Variants in PALM2AKAP2 observed in about 807,000 individuals in gnomAD.
PALM2AKAP2 encodes PALM2-AKAP2 fusion protein.
PALM2AKAP2 carries 37 observed loss-of-function variants against 71.5 expected under a neutral mutation model. The observed-to-expected ratio is 0.52, with a 90% confidence interval of 0.40 to 0.68. The LOEUF is 0.68. Among genes scored for constraint, PALM2AKAP2 ranks in the 30% least tolerant of loss-of-function variants. PALM2AKAP2 has a pLI of 0.00. For missense variants in PALM2AKAP2, 1,224 were observed against 1,191.8 expected, an observed-to-expected ratio of 1.03 and a Z score of -0.40; for synonymous variants, 468 against 478.8, an observed-to-expected ratio of 0.98 and a Z score of 0.29.
chr9:109,893,310 G>A (rs1205461776), intron 3 of PALM2AKAP2, among the ~76,000 whole-genome samples: 1 of 152,208 alleles, frequency 6.6e-6, no homozygotes, highest in African/African-American at 2.4e-5. Context: ...TGAAGTAGAG[G>A]ATGAAAAAGA....
At chr9:109,779,139 G>A (rs1007635366), upstream of PALM2AKAP2, among the ~76,000 whole-genome samples, 6 of 152,140 alleles carry the variant, frequency 3.9e-5, no homozygotes, top group African/African-American at 1.4e-4. Context: ...TTATTTCAGT[G>A]TTTATTTCAT....
chr9:110,135,174 T>TAG (rs1835829343), intron 1 of PALM2AKAP2, among the ~76,000 whole-genome samples: 1 of 76,146 alleles, frequency 1.3e-5, no homozygotes, highest in East Asian at 3.2e-4. Context: ...AATATATAAA[T>TAG]ATATATATAT....
chr9:109,876,628 C>T (rs762008356), intron 2 of PALM2AKAP2, among the ~76,000 whole-genome samples: 2 of 152,014 alleles, frequency 1.3e-5, no homozygotes, highest in South Asian at 2.1e-4. Flanking sequence ...TACAGGTGCT[C>T]GCCACCACAC....
intron 6 of PALM2AKAP2, among the ~76,000 whole-genome samples, chr9:109,997,016 C>T (rs1473278902): frequency 6.6e-6 from 1 of 152,016 alleles, no homozygotes; most frequent in African/African-American, 2.4e-5. Context: ...TGGTGAGACC[C>T]CATCTCTACT....
At chr9:110,141,447 C>T (rs771519925) in intron 2 of PALM2AKAP2, among the ~76,000 whole-genome samples, 7 of 152,214 alleles carry the variant, frequency 4.6e-5, no homozygotes, top group Non-Finnish European at 8.8e-5. Context: ...ACCCGGGCTT[C>T]CCAGAATTAC....
intron 2 of PALM2AKAP2, among the ~76,000 whole-genome samples, chr9:110,144,590 T>C (rs145234862): frequency 5.9e-4 from 90 of 152,352 alleles, no homozygotes; most frequent in African/African-American, 1.9e-3. Context: ...GTATATACTA[T>C]TATTTAGAAA....
At chr9:110,095,508 C>T (rs1834815668) in intron 1 of PALM2AKAP2, among the ~76,000 whole-genome samples, 1 of 152,062 alleles carries the variant, frequency 6.6e-6, no homozygotes, top group Non-Finnish European at 1.5e-5. Context: ...CCCCTTCAGC[C>T]ACTCAGGCTT....
chr9:110,032,535 A>G (rs1269311685), intron 7 of PALM2AKAP2, among the ~76,000 whole-genome samples: 3 of 151,826 alleles, frequency 2.0e-5, no homozygotes, highest in Non-Finnish European at 4.4e-5. Flanking sequence ...TACTAAAAAT[A>G]CAAAAATTAG....
intron 1 of PALM2AKAP2, among the ~76,000 whole-genome samples, chr9:109,708,807 AATC>A (rs1486098318): frequency 6.6e-6 from 1 of 152,218 alleles, no homozygotes; most frequent in Non-Finnish European, 1.5e-5. Flanking sequence ...CGACACTGGA[AATC>A]CTCCAGGGAT....
intron 1 of PALM2AKAP2, among the ~76,000 whole-genome samples, chr9:109,859,939 C>T (rs1829266332): frequency 6.6e-6 from 1 of 152,340 alleles, no homozygotes; most frequent in Middle Eastern, 3.4e-3. Flanking sequence ...ACCCAAGTGT[C>T]TATTTATTTT....
At chr9:109,833,709 C>T (rs1185616038) in intron 1 of PALM2AKAP2, among the ~76,000 whole-genome samples, 1 of 152,210 alleles carries the variant, frequency 6.6e-6, no homozygotes, top group Admixed American at 6.5e-5. Flanking sequence ...TGTCTGCCCT[C>T]CCAATGCTGA....
At chr9:109,833,263 GA>G (rs1828361380) in intron 1 of PALM2AKAP2, among the ~76,000 whole-genome samples, 1 of 152,212 alleles carries the variant, frequency 6.6e-6, no homozygotes, top group Non-Finnish European at 1.5e-5. Flanking sequence ...GCTGAGGCAG[GA>G]GAATTGCTTG....
chr9:110,000,862 T>G (rs150250956), intron 6 of PALM2AKAP2, among the ~76,000 whole-genome samples: 150 of 152,330 alleles, frequency 9.8e-4, no homozygotes, highest in African/African-American at 3.4e-3. Flanking sequence ...ATGGGGTTGT[T>G]TGTTTCTTTC....
intron 1 of PALM2AKAP2, among the ~76,000 whole-genome samples, chr9:109,766,166 C>CTTTCCT (rs935263510): frequency 5.3e-5 from 8 of 152,138 alleles, no homozygotes; most frequent in Admixed American, 2.0e-4. Context: ...GCACTTAGCT[C>CTTTCCT]TTTATATTGT....
At chr9:109,838,816 G>A (rs1208068652) in intron 1 of PALM2AKAP2, among the ~76,000 whole-genome samples, 1 of 152,068 alleles carries the variant, frequency 6.6e-6, no homozygotes, top group Non-Finnish European at 1.5e-5. Context: ...ACCCTTGCAA[G>A]ACACATACAC....
rs1390362578 is a variant in PALM2AKAP2 at position 109,710,495 on chromosome 9, G to A, written c.5+69629G>A. Among the ~76,000 whole-genome samples, 3 of 152,236 alleles carry A rather than the reference G, an allele frequency of 2.0e-5. No individual in the cohort carries two copies. In the East Asian group the frequency reaches 5.8e-4, roughly 29 times the overall value. ...GAATGAACTCTATAGGCAGATGGAA[G>A]CCTGGGATTCTGACACTGTCGCAAG... On this transcript the variant is annotated intron_variant, in intron 1 of 6. Transcript: ENST00000374531.
At chr9:109,987,533 C>A (rs1050203079) in intron 6 of PALM2AKAP2, among the ~76,000 whole-genome samples, 3 of 152,128 alleles carry the variant, frequency 2.0e-5, no homozygotes, top group Non-Finnish European at 4.4e-5. Flanking sequence ...ATATCATCTC[C>A]AAAGTGACTT....
At chr9:110,117,800 T>A (rs1309667974) in intron 1 of PALM2AKAP2, among the ~76,000 whole-genome samples, 2 of 151,978 alleles carry the variant, frequency 1.3e-5, no homozygotes, top group Non-Finnish European at 2.9e-5. Flanking sequence ...GTATTTGGGA[T>A]TAAGTTTCCA....
At chr9:109,898,950 T>C (rs1830268558) in intron 3 of PALM2AKAP2, among the ~76,000 whole-genome samples, 2 of 152,246 alleles carry the variant, frequency 1.3e-5, no homozygotes, top group African/African-American at 4.8e-5. Flanking sequence ...TTACTTGAGA[T>C]GACACTATCC....
Sources: allele counts gnomAD v4.1 joint callset (sites outside exome capture counted in the v4.1 genomes callset), GRCh38; gene constraint gnomAD v4.1.1; transcripts MANE v1.5; gene names NCBI Gene and HGNC (gene_info 2026-07-23, HGNC 2026-07-21).